NELL1: variants seen among roughly 807,000 people sequenced by gnomAD.
The protein encoded by NELL1 is protein kinase C-binding protein NELL1.
A neutral mutation model predicts 107.4 loss-of-function variants in NELL1; 76 were observed. The observed-to-expected ratio is 0.71, with a 90% CI of 0.59 to 0.86. The LOEUF (loss-of-function observed/expected upper bound fraction) is 0.86, where lower values mean the gene tolerates loss of function less well. Among genes scored for constraint, NELL1 ranks in the 40% least tolerant of loss-of-function variants. NELL1 has a pLI of 0.00. For synonymous variants in NELL1, 353 were observed against 341.2 expected (o/e 1.03, Z -0.38); for missense variants, 1,024 against 1,005.5 (o/e 1.02, Z -0.25).
chr11:21,165,758 C>CTTTT (rs34509347), intron 13 of NELL1, among the ~76,000 whole-genome samples: 9 of 98,506 alleles, frequency 9.1e-5, no homozygotes, highest in South Asian at 3.7e-4. Context: ...ACAATGAGAT[C>CTTTT]TTTTTTTTTT....
chr11:21,545,545 C>A (rs996200384), intron 16 of NELL1, among the ~76,000 whole-genome samples: 6 of 151,936 alleles, frequency 3.9e-5, no homozygotes, highest in Non-Finnish European at 8.8e-5. Flanking sequence ...GTTTTAGGGT[C>A]CTTTCCTCAC....
intron 12 of NELL1, among the ~76,000 whole-genome samples, chr11:21,044,704 C>T (rs78867594): frequency 0.013 from 1,975 of 152,044 alleles, 53 homozygotes; most frequent in African/African-American, 0.043. Context: ...TTTTTCTTAA[C>T]AAGAAGTAAA....
chr11:21,233,173 T>C (rs1442232902), intron 14 of NELL1, among the ~76,000 whole-genome samples: 1 of 152,232 alleles, frequency 6.6e-6, no homozygotes, highest in African/African-American at 2.4e-5. Flanking sequence ...TTTCTTCTTT[T>C]GGATGGAAAA....
chr11:21,458,471 T>C (rs536444911), intron 15 of NELL1, among the ~76,000 whole-genome samples: 12 of 152,288 alleles, frequency 7.9e-5, no homozygotes, highest in African/African-American at 2.6e-4. Flanking sequence ...ATCTTTATGC[T>C]GAACAAAGAA....
chr11:21,082,270 T>C (rs1454586038), intron 12 of NELL1, among the ~76,000 whole-genome samples: 2 of 152,124 alleles, frequency 1.3e-5, no homozygotes, highest in Non-Finnish European at 2.9e-5. Flanking sequence ...TATGATGCTG[T>C]TGATGGGGAT....
At chr11:20,970,272 A>C (rs1453365652) in intron 12 of NELL1, among the ~76,000 whole-genome samples, 1 of 152,170 alleles carries the variant, frequency 6.6e-6, no homozygotes, top group African/African-American at 2.4e-5. Context: ...AAAGTCTGCA[A>C]GGTTGTACAC....
chr11:20,817,624 A>T (rs1171459230), intron 3 of NELL1, among the ~76,000 whole-genome samples: 2 of 151,076 alleles, frequency 1.3e-5, no homozygotes, highest in African/African-American at 4.9e-5. Flanking sequence ...GGATTCCTGG[A>T]TCTCAATTTC....
intron 2 of NELL1, among the ~76,000 whole-genome samples, chr11:20,716,164 C>T (rs886350868): frequency 7.9e-5 from 12 of 152,182 alleles, no homozygotes; most frequent in African/African-American, 2.4e-4. Context: ...TTAAAAAAAT[C>T]GGGCACAGAA....
At chr11:21,276,648 T>C (rs963608673) in intron 14 of NELL1, among the ~76,000 whole-genome samples, 6 of 152,078 alleles carry the variant, frequency 3.9e-5, no homozygotes, top group Admixed American at 3.9e-4. Context: ...CTTCAAACTA[T>C]ACTACAAGGC....
At chr11:21,401,546 A>C (rs757574536) in intron 15 of NELL1, among the ~76,000 whole-genome samples, 2 of 150,428 alleles carry the variant, frequency 1.3e-5, no homozygotes, top group Non-Finnish European at 2.9e-5. Flanking sequence ...AAAAAGTGCA[A>C]ACTGACACAA....
chr11:21,290,230 G>A (rs1304872153), intron 14 of NELL1, among the ~76,000 whole-genome samples: 5 of 152,000 alleles, frequency 3.3e-5, no homozygotes, highest in East Asian at 3.9e-4. Flanking sequence ...TTAGCTGGGC[G>A]TGGTGGTGGG....
At chr11:21,498,904 T>G (rs1199472852) in intron 15 of NELL1, among the ~76,000 whole-genome samples, 3 of 152,066 alleles carry the variant, frequency 2.0e-5, no homozygotes, top group African/African-American at 7.2e-5. Flanking sequence ...AGGTTAAACA[T>G]CTTTTAATTT....
At chr11:21,555,696 A>G (rs949553551) in intron 16 of NELL1, among the ~76,000 whole-genome samples, 7 of 152,048 alleles carry the variant, frequency 4.6e-5, no homozygotes, top group Admixed American at 2.6e-4. Context: ...AATTCTTCCT[A>G]AAAGATACAT....
chr11:20,755,744 TG>T (rs1278698386), intron 2 of NELL1, among the ~76,000 whole-genome samples: 1 of 151,426 alleles, frequency 6.6e-6, no homozygotes, highest in Non-Finnish European at 1.5e-5. Flanking sequence ...TTAGTAGAGA[TG>T]GGGTTTCACC....
intron 15 of NELL1, among the ~76,000 whole-genome samples, chr11:21,382,120 G>A (rs538028996): frequency 1.4e-4 from 22 of 151,754 alleles, no homozygotes; most frequent in African/African-American, 5.3e-4. Context: ...TTGAAGAAAG[G>A]CAAACATTCT....
chr11:21,017,214 C>G (rs979946624), intron 12 of NELL1, among the ~76,000 whole-genome samples: 1 of 152,110 alleles, frequency 6.6e-6, no homozygotes, highest in African/African-American at 2.4e-5. Flanking sequence ...CCACCATTCT[C>G]CAGAAGCTGT....
chr11:21,446,897 C>A (rs1853446092), intron 15 of NELL1, among the ~76,000 whole-genome samples: 1 of 152,202 alleles, frequency 6.6e-6, no homozygotes, highest in South Asian at 2.1e-4. Flanking sequence ...TCCAGAGATG[C>A]CGTCTGGGAG....
intron 3 of NELL1, among the ~76,000 whole-genome samples, chr11:20,824,208 A>G (rs1200621458): frequency 6.6e-6 from 1 of 151,136 alleles, no homozygotes; most frequent in African/African-American, 2.4e-5. Context: ...CCATGTGAAG[A>G]AGGACGTATT....
chr11:20,989,637 A>G (rs999394449), intron 12 of NELL1, among the ~76,000 whole-genome samples: 1 of 152,198 alleles, frequency 6.6e-6, no homozygotes, highest in Non-Finnish European at 1.5e-5. Context: ...ACTGCCCTCA[A>G]CTATTCCCTT....
Sources: gnomAD v4.1 joint callset for allele counts (sites outside exome capture counted in the v4.1 genomes callset) on GRCh38, gnomAD v4.1.1 for gene constraint, MANE v1.5 for transcripts, NCBI Gene and HGNC (gene_info 2026-07-23, HGNC 2026-07-21) for gene names.